The following BMPR1B variants were observed in gnomAD, a reference collection of about 807,000 sequenced individuals.
BMPR1B encodes bone morphogenetic protein receptor type-1B.
Under a neutral mutation model 59.1 loss-of-function variants are expected in BMPR1B, and 12 were observed. The ratio of observed to expected loss-of-function variants is 0.20; its 90% CI spans 0.13 to 0.33. The LOEUF is 0.33. Among genes scored for constraint, BMPR1B ranks in the 10% least tolerant of loss-of-function variants. BMPR1B has a pLI of 1.00. For synonymous variants in BMPR1B, 237 were observed against 207.3 expected, an observed-to-expected ratio of 1.14 and a Z score of -1.23; for missense variants, 550 against 610.9, an observed-to-expected ratio of 0.90 and a Z score of 1.05.
At chr4:95,001,479 C>A (rs4397000) in intron 3 of BMPR1B, among the ~76,000 whole-genome samples, 108,877 of 152,040 alleles carry the variant, frequency 0.72, 40,320 homozygotes, top group East Asian at 0.87. Flanking sequence ...TCTCATGGTA[C>A]AATCACATTC....
intron 1 of BMPR1B, among the ~76,000 whole-genome samples, chr4:94,867,693 C>A (rs61211063): frequency 0.038 from 5,740 of 152,218 alleles, 344 homozygotes; most frequent in African/African-American, 0.13. Context: ...GAACTTTTTA[C>A]AATTTCTGGA....
chr4:94,980,856 G>A (rs942933223), intron 2 of BMPR1B, among the ~76,000 whole-genome samples: 56 of 152,228 alleles, frequency 3.7e-4, no homozygotes, highest in African/African-American at 1.3e-3. Context: ...TTAGCCGGGC[G>A]TGGTGGTGCG....
intron 1 of BMPR1B, among the ~76,000 whole-genome samples, chr4:94,787,819 C>T (rs1274793020): frequency 6.6e-6 from 1 of 151,996 alleles, no homozygotes; most frequent in African/African-American, 2.4e-5. Context: ...GTAACCCACA[C>T]AGTATTTCCT....
intron 4 of BMPR1B, among the ~76,000 whole-genome samples, chr4:95,107,975 T>A (rs977551497): frequency 1.3e-5 from 2 of 152,100 alleles, no homozygotes; most frequent in Non-Finnish European, 2.9e-5. Context: ...AAGCACACTC[T>A]ACTCTCTACC....
At chr4:95,034,527 A>G (rs1047024646) in intron 3 of BMPR1B, among the ~76,000 whole-genome samples, 6 of 151,990 alleles carry the variant, frequency 3.9e-5, no homozygotes, top group Non-Finnish European at 7.4e-5. Flanking sequence ...GGGAAATACA[A>G]TGTTTGGTTG....
chr4:95,090,542 C>A (rs1442112216), intron 3 of BMPR1B, among the ~76,000 whole-genome samples: 2 of 151,962 alleles, frequency 1.3e-5, no homozygotes, highest in East Asian at 3.9e-4. Flanking sequence ...AATCAGCAGA[C>A]CTTTTATGAC....
chr4:94,897,941 C>CTTTTTT (rs869186341), intron 2 of BMPR1B, among the ~76,000 whole-genome samples: 79 of 90,304 alleles, frequency 8.7e-4, no homozygotes, highest in East Asian at 1.2e-3. Context: ...AATTCTTTTC[C>CTTTTTT]TTTTTTTTTT....
intron 1 of BMPR1B, among the ~76,000 whole-genome samples, chr4:94,792,172 A>G (rs552939450): frequency 1.3e-3 from 198 of 152,302 alleles, no homozygotes; most frequent in Non-Finnish European, 2.0e-3. Context: ...AACTTTAAAA[A>G]TGCATGCTTT....
chr4:95,007,858 T>G (rs1722960384), intron 3 of BMPR1B, among the ~76,000 whole-genome samples: 1 of 152,168 alleles, frequency 6.6e-6, no homozygotes, highest in South Asian at 2.1e-4. Context: ...CATACCAAAG[T>G]CTATAGAAAT....
At chr4:95,109,764 T>A (rs1731482190) in intron 4 of BMPR1B, among the ~76,000 whole-genome samples, 1 of 151,870 alleles carries the variant, frequency 6.6e-6, no homozygotes, top group East Asian at 2.0e-4. Flanking sequence ...TGTGCAGCTT[T>A]GTTACATATG....
At chr4:95,106,858 C>T (rs1731230639) in intron 4 of BMPR1B, among the ~76,000 whole-genome samples, 1 of 151,608 alleles carries the variant, frequency 6.6e-6, no homozygotes, top group Non-Finnish European at 1.5e-5. Context: ...CCGTGCTGCA[C>T]TCTGCTGGGA....
At chr4:94,872,497 T>C (rs760741063) in intron 1 of BMPR1B, among the ~76,000 whole-genome samples, 4 of 152,236 alleles carry the variant, frequency 2.6e-5, no homozygotes, top group Non-Finnish European at 5.9e-5. Context: ...TTAAACCTTT[T>C]CAGATGAGAA....
intron 2 of BMPR1B, among the ~76,000 whole-genome samples, chr4:94,904,271 T>G (rs973259453): frequency 1.3e-5 from 2 of 152,116 alleles, no homozygotes; most frequent in East Asian, 3.9e-4. Flanking sequence ...GTCATATGAC[T>G]TACAGATGCA....
intron 3 of BMPR1B, among the ~76,000 whole-genome samples, chr4:95,028,099 A>G (rs530860851): frequency 2.6e-4 from 40 of 152,264 alleles, no homozygotes; most frequent in South Asian, 1.2e-3. Flanking sequence ...GAGGGAGGCT[A>G]TTTCACTCTG....
At chr4:94,937,488 A>G (rs1729356323) in intron 2 of BMPR1B, among the ~76,000 whole-genome samples, 1 of 152,104 alleles carries the variant, frequency 6.6e-6, no homozygotes. Flanking sequence ...TTTAATTGTC[A>G]TGCATTGAAT....
chr4:94,802,301 C>T (rs548029257), intron 1 of BMPR1B, among the ~76,000 whole-genome samples: 8 of 152,220 alleles, frequency 5.3e-5, no homozygotes, highest in South Asian at 4.1e-4. Flanking sequence ...GCAGGGCTTC[C>T]GAGAGGCCTG....
chr4:95,058,023 G>A (rs758242487), intron 3 of BMPR1B, among the ~76,000 whole-genome samples: 12 of 152,180 alleles, frequency 7.9e-5, no homozygotes, highest in Non-Finnish European at 1.6e-4. Flanking sequence ...GGATGTCAAC[G>A]TGGTGGCAGA....
At chr4:94,928,570 G>T (rs932971162) in intron 2 of BMPR1B, among the ~76,000 whole-genome samples, 1 of 150,972 alleles carries the variant, frequency 6.6e-6, no homozygotes, top group Non-Finnish European at 1.5e-5. Context: ...TAAGTGGAAG[G>T]CTGGGTTGTT....
At chr4:94,851,648 T>G (rs1725569534) in intron 1 of BMPR1B, among the ~76,000 whole-genome samples, 1 of 148,764 alleles carries the variant, frequency 6.7e-6, no homozygotes, top group Non-Finnish European at 1.5e-5. Flanking sequence ...ATACAGCTAT[T>G]AATCATATTT....
Sources: gnomAD v4.1 joint callset for allele counts (sites outside exome capture counted in the v4.1 genomes callset) on GRCh38, gnomAD v4.1.1 for gene constraint, MANE v1.5 for transcripts, NCBI Gene and HGNC (gene_info 2026-07-23, HGNC 2026-07-21) for gene names.